MAPRE2: variants seen among roughly 807,000 people sequenced by gnomAD.
The protein encoded by MAPRE2 is microtubule associated protein RP/EB family member 2.
MAPRE2 carries 13 observed loss-of-function variants against 43.2 expected under a neutral mutation model. That is an observed-to-expected ratio of 0.30 (90% CI 0.20 to 0.48). MAPRE2 has a LOEUF of 0.48. Among genes scored for constraint, MAPRE2 ranks in the 20% least tolerant of loss-of-function variants. MAPRE2 has a pLI of 0.99. For synonymous variants in MAPRE2, 135 were observed against 148.8 expected, an observed-to-expected ratio of 0.91 and a Z score of 0.68; for missense variants, 161 against 400.2, an observed-to-expected ratio of 0.40 and a Z score of 5.10.
At chr18:34,992,329 T>G (rs1451253200) in intron 1 of MAPRE2, among the ~76,000 whole-genome samples, 1 of 152,220 alleles carries the variant, frequency 6.6e-6, no homozygotes, top group Non-Finnish European at 1.5e-5. Flanking sequence ...TCAAAGTCTG[T>G]GCAATGATCT....
At chr18:35,031,942 A>G (rs1328914085) in intron 2 of MAPRE2, among the ~76,000 whole-genome samples, 1 of 152,180 alleles carries the variant, frequency 6.6e-6, no homozygotes, top group South Asian at 2.1e-4. Context: ...ATTTCACCAG[A>G]TCCAGAAGAA....
intron 2 of MAPRE2, among the ~76,000 whole-genome samples, chr18:35,076,866 G>A (rs561544079): frequency 9.4e-4 from 143 of 152,266 alleles, no homozygotes; most frequent in South Asian, 8.5e-3. Flanking sequence ...AGTGATAACT[G>A]CTTGGGTCTC....
chr18:35,013,867 T>A (rs1033245866), intron 2 of MAPRE2, among the ~76,000 whole-genome samples: 1 of 152,196 alleles, frequency 6.6e-6, no homozygotes, highest in African/African-American at 2.4e-5. Context: ...TTGTTCTTTT[T>A]CATGGCATTG....
chr18:35,129,320 G>A (rs1032364517), intron 5 of MAPRE2, among the ~76,000 whole-genome samples: 2 of 152,196 alleles, frequency 1.3e-5, no homozygotes, highest in African/African-American at 4.8e-5. Flanking sequence ...GGGCCCCACA[G>A]GCATCATGGT....
chr18:35,057,704 A>T (rs1165957635), intron 1 of MAPRE2, among the ~76,000 whole-genome samples: 3 of 152,172 alleles, frequency 2.0e-5, no homozygotes, highest in Non-Finnish European at 4.4e-5. Context: ...GTACCAGAAG[A>T]ATAGGGAAGG....
At chr18:35,060,740 T>C (rs1906481135) in intron 1 of MAPRE2, among the ~76,000 whole-genome samples, 1 of 152,208 alleles carries the variant, frequency 6.6e-6, no homozygotes, top group Non-Finnish European at 1.5e-5. Flanking sequence ...TTAGTTACGA[T>C]AGGGTGGCTA....
chr18:35,078,211 A>G (rs1270756781), intron 2 of MAPRE2, among the ~76,000 whole-genome samples: 1 of 152,206 alleles, frequency 6.6e-6, no homozygotes, highest in Non-Finnish European at 1.5e-5. Context: ...AAATGTGTTC[A>G]TACCCTTTCT....
chr18:34,983,382 G>A (rs2097017399), intron 1 of MAPRE2, among the ~76,000 whole-genome samples: 1 of 152,112 alleles, frequency 6.6e-6, no homozygotes, highest in African/African-American at 2.4e-5. Flanking sequence ...ACCGTTTCCA[G>A]AGCTCTAGAA....
chr18:35,066,709 C>G (rs1021272671), intron 1 of MAPRE2, among the ~76,000 whole-genome samples: 1 of 152,214 alleles, frequency 6.6e-6, no homozygotes, highest in Non-Finnish European at 1.5e-5. Flanking sequence ...TGACACTTCA[C>G]TTGCGGGAGG....
chr18:35,069,828 T>C (rs1055221435), intron 1 of MAPRE2, among the ~76,000 whole-genome samples: 2 of 152,192 alleles, frequency 1.3e-5, no homozygotes, highest in African/African-American at 4.8e-5. Context: ...TAGTGAGTAC[T>C]GAAATAATGT....
intron 2 of MAPRE2, among the ~76,000 whole-genome samples, chr18:35,008,421 A>G (rs543036736): frequency 6.6e-6 from 1 of 152,294 alleles, no homozygotes; most frequent in Non-Finnish European, 1.5e-5. Context: ...ACACCATCCT[A>G]AAATAACTAT....
At chr18:35,061,156 A>G (rs1229837169) in intron 1 of MAPRE2, among the ~76,000 whole-genome samples, 1 of 152,190 alleles carries the variant, frequency 6.6e-6, no homozygotes, top group East Asian at 1.9e-4. Flanking sequence ...TTAAGAAGTG[A>G]CTGATAATGA....
At chr18:35,039,672 A>G (rs1390488438), upstream of MAPRE2, among the ~76,000 whole-genome samples, 1 of 152,250 alleles carries the variant, frequency 6.6e-6, no homozygotes, top group African/African-American at 2.4e-5. Context: ...GAAACTTGAT[A>G]CCAGAAATAA....
At chr18:35,090,110 A>G (rs530996666) in intron 2 of MAPRE2, among the ~76,000 whole-genome samples, 1 of 152,302 alleles carries the variant, frequency 6.6e-6, no homozygotes, top group South Asian at 2.1e-4. Flanking sequence ...AAAATAGATT[A>G]GTGGTTGCCA....
intron 1 of MAPRE2, among the ~76,000 whole-genome samples, chr18:34,984,751 A>G (rs916340294): frequency 2.1e-5 from 3 of 140,082 alleles, no homozygotes; most frequent in African/African-American, 8.0e-5. Flanking sequence ...ATTATTTAAT[A>G]TATTACATAC....
At chr18:35,012,839 G>A (rs2097035614) in intron 2 of MAPRE2, among the ~76,000 whole-genome samples, 1 of 152,152 alleles carries the variant, frequency 6.6e-6, no homozygotes, top group Non-Finnish European at 1.5e-5. Flanking sequence ...GGTTGAACAA[G>A]AATGTTAATA....
At chr18:35,063,328 T>G (rs184926585) in intron 1 of MAPRE2, among the ~76,000 whole-genome samples, 3 of 151,980 alleles carry the variant, frequency 2.0e-5, no homozygotes, top group South Asian at 2.1e-4. Flanking sequence ...AGGATGGTCT[T>G]GATCTCCTGA....
intron 1 of MAPRE2, among the ~76,000 whole-genome samples, chr18:34,995,508 A>C (rs977498139): frequency 6.6e-6 from 1 of 152,236 alleles, no homozygotes; most frequent in African/African-American, 2.4e-5. Context: ...TCTCTAATGC[A>C]TTTGCACAAA....
At chr18:35,133,132 G>A (rs1316604036) in intron 6 of MAPRE2, among the ~76,000 whole-genome samples, 2 of 152,154 alleles carry the variant, frequency 1.3e-5, no homozygotes, top group African/African-American at 4.8e-5. Flanking sequence ...CCATCAGCAA[G>A]TTTACTCTCT....
Sources: gnomAD v4.1 joint callset for allele counts (sites outside exome capture counted in the v4.1 genomes callset) on GRCh38, gnomAD v4.1.1 for gene constraint, MANE v1.5 for transcripts, NCBI Gene and HGNC (gene_info 2026-07-23, HGNC 2026-07-21) for gene names.